The following CADPS variants were observed in gnomAD, a reference collection of about 807,000 sequenced individuals.
CADPS encodes calcium-dependent secretion activator 1.
In CADPS, 57 loss-of-function variants were observed where a neutral mutation model predicts 167.3. The ratio of observed to expected loss-of-function variants is 0.34; its 90% CI spans 0.28 to 0.42. The LOEUF is 0.42. CADPS is among the 20% of genes least tolerant of loss of function. The pLI, the probability that CADPS is intolerant of heterozygous loss-of-function variation, is 1.00. For synonymous variants in CADPS, 676 were observed against 635.3 expected (o/e 1.06, Z -0.96); for missense variants, 1,414 against 1,738.1 (o/e 0.81, Z 3.32).
chr3:62,663,355 TTA>T (rs1428082393), intron 3 of CADPS, among the ~76,000 whole-genome samples: 1 of 152,194 alleles, frequency 6.6e-6, no homozygotes, highest in Non-Finnish European at 1.5e-5. Context: ...CATTTCCATT[TTA>T]TGAGTTGAAA....
At chr3:62,778,098 G>GAAA (rs1300370948) in intron 1 of CADPS, among the ~76,000 whole-genome samples, 1 of 152,184 alleles carries the variant, frequency 6.6e-6, no homozygotes, top group Non-Finnish European at 1.5e-5. Context: ...ATCTGACAGA[G>GAAA]AAATAGCTTT....
At chr3:62,549,531 A>C (rs751655366) in intron 11 of CADPS, among the ~76,000 whole-genome samples, 9 of 150,652 alleles carry the variant, frequency 6.0e-5, no homozygotes, top group Non-Finnish European at 1.3e-4. Flanking sequence ...GTTGATTTCA[A>C]ATCAACCCTA....
At chr3:62,430,373 G>A (rs1276590183) in intron 28 of CADPS, among the ~76,000 whole-genome samples, 1 of 152,158 alleles carries the variant, frequency 6.6e-6, no homozygotes, top group East Asian at 1.9e-4. Context: ...CATCAGAAAA[G>A]CACCAAAACA....
At chr3:62,434,704 A>G (rs189223820) in intron 28 of CADPS, among the ~76,000 whole-genome samples, 134 of 152,318 alleles carry the variant, frequency 8.8e-4, no homozygotes, top group African/African-American at 3.1e-3. Context: ...CAGAGAGAAA[A>G]CTAGCTCAGA....
chr3:62,545,284 G>C (rs1430456702), intron 11 of CADPS, among the ~76,000 whole-genome samples: 1 of 151,966 alleles, frequency 6.6e-6, no homozygotes, highest in Admixed American at 6.6e-5. Context: ...AATTTTTACT[G>C]TTCCACTAAC....
intron 3 of CADPS, among the ~76,000 whole-genome samples, chr3:62,731,078 G>A (rs487484): frequency 0.22 from 34,184 of 152,172 alleles, 4,104 homozygotes; most frequent in African/African-American, 0.3. Flanking sequence ...TTGGAGAGGA[G>A]AGAGGTCTTG....
intron 3 of CADPS, among the ~76,000 whole-genome samples, chr3:62,728,432 A>AT (rs1402987058): frequency 2.6e-5 from 4 of 151,754 alleles, no homozygotes; most frequent in Non-Finnish European, 4.4e-5. Flanking sequence ...AATTCATTTA[A>AT]TTTTTCTGGA....
rs763923009 is a variant in CADPS, at chr3:62,874,940, G to A, written c.90C>T (p.Gly30=). 4.6e-6 allele frequency: 7 copies of A among 1,526,034 alleles called. No homozygotes were observed. In the African/African-American group the frequency reaches 8.7e-5, roughly 19 times the overall value. 94.5% of individuals were successfully genotyped at this position (1,526,034 alleles called of 1,614,324 possible). A position where few individuals can be genotyped will look rare whatever the true frequency, so the allele number is the denominator to read the frequency against. Residue 30 remains glycine, a synonymous_variant, in exon 1 of 30, where the codon GGC becomes GGT. Transcript: ENST00000383710. This position sits in a 1 kb window ranked among gnomAD's most constrained non-coding sequence, Gnocchi z 7.1. ...TGGTACGGCTGGGAGACAGGCGCGC[G>A]CCGGACGGGGCCGAGCCGAGCACCT... ...GKEVLGSAPS[G]ARLSPSRTSE...
At chr3:62,547,857 G>A (rs186886721) in intron 11 of CADPS, among the ~76,000 whole-genome samples, 6 of 151,812 alleles carry the variant, frequency 4.0e-5, no homozygotes, top group African/African-American at 1.2e-4. Flanking sequence ...TTTTTTAATC[G>A]ATTTCTTGTC....
chr3:62,595,128 T>C (rs1227623104), intron 6 of CADPS, among the ~76,000 whole-genome samples: 2 of 151,270 alleles, frequency 1.3e-5, no homozygotes, highest in Non-Finnish European at 3.0e-5. Context: ...CTAGTGAGAG[T>C]TGACAAAAGA....
At chr3:62,567,916 T>C (rs2080573299) in intron 9 of CADPS, among the ~76,000 whole-genome samples, 1 of 152,128 alleles carries the variant, frequency 6.6e-6, no homozygotes, top group South Asian at 2.1e-4. Flanking sequence ...ATTTACATTG[T>C]ATGCTCTTTA....
chr3:62,506,249 A>C (rs2066661996), intron 17 of CADPS, among the ~76,000 whole-genome samples: 1 of 152,028 alleles, frequency 6.6e-6, no homozygotes, highest in Non-Finnish European at 1.5e-5. Flanking sequence ...TTAGCTGGGC[A>C]TGGTGGTGTG....
At chr3:62,518,058 G>A in intron 14 of CADPS, 91 bp downstream of exon 14, 1 of 818,710 alleles carries the variant, frequency 1.2e-6, no homozygotes, top group Non-Finnish European at 2.1e-6. Flanking sequence ...TGTATCCTCT[G>A]GTAGATTTAC....
intron 3 of CADPS, among the ~76,000 whole-genome samples, chr3:62,680,295 C>G (rs1374796131): frequency 6.6e-6 from 1 of 152,022 alleles, no homozygotes; most frequent in Non-Finnish European, 1.5e-5. Flanking sequence ...GGGATAAGCA[C>G]AGCGTCTTCC....
intron 1 of CADPS, among the ~76,000 whole-genome samples, chr3:62,804,940 A>G (rs2093998434): frequency 6.6e-6 from 1 of 152,176 alleles, no homozygotes; most frequent in African/African-American, 2.4e-5. Context: ...CAAGGATTTT[A>G]AGAACCAATA....
At chr3:62,521,810 G>A (rs2070678171) in intron 13 of CADPS, among the ~76,000 whole-genome samples, 1 of 152,146 alleles carries the variant, frequency 6.6e-6, no homozygotes, top group Non-Finnish European at 1.5e-5. Flanking sequence ...CTCGTGTGAG[G>A]GTAAATCGAG....
At chr3:62,846,962 C>T (rs1306386026) in intron 1 of CADPS, among the ~76,000 whole-genome samples, 2 of 152,162 alleles carry the variant, frequency 1.3e-5, no homozygotes, top group African/African-American at 2.4e-5. Context: ...GCCACTCGCC[C>T]GGCTGGAGGT....
intron 9 of CADPS, among the ~76,000 whole-genome samples, chr3:62,569,684 A>G (rs1396227961): frequency 6.6e-6 from 1 of 152,212 alleles, no homozygotes; most frequent in African/African-American, 2.4e-5. Flanking sequence ...CACTCTAAAT[A>G]TTGGTAGCAC....
intron 13 of CADPS, among the ~76,000 whole-genome samples, chr3:62,523,950 A>G (rs1435045799): frequency 1.3e-5 from 2 of 152,228 alleles, no homozygotes; most frequent in Admixed American, 1.3e-4. Context: ...CCTACTTGCT[A>G]CGAAATTGTT....
Sources: allele counts gnomAD v4.1 joint callset (sites outside exome capture counted in the v4.1 genomes callset), GRCh38; gene constraint gnomAD v4.1.1; non-coding constraint Gnocchi (gnomAD v3.1); transcripts MANE v1.5; gene names NCBI Gene and HGNC (gene_info 2026-07-23, HGNC 2026-07-21).